Variants in DENND1A observed in about 807,000 individuals in gnomAD.
DENND1A encodes the protein DENN domain-containing protein 1A.
In DENND1A, 51 loss-of-function variants were observed where a neutral mutation model predicts 113.7. That is an observed-to-expected ratio of 0.45 (90% confidence interval 0.36 to 0.57). The LOEUF (loss-of-function observed/expected upper bound fraction) is 0.57, where lower values mean the gene tolerates loss of function less well. DENND1A is among the 20% of genes least tolerant of loss of function. The pLI is 0.00. For missense variants in DENND1A, 1,258 were observed against 1,395.9 expected (o/e 0.90, Z 1.57); for synonymous variants, 565 against 570.8 (o/e 0.99, Z 0.14).
At chr9:123,419,151 C>T (rs1472129854) in intron 19 of DENND1A, among the ~76,000 whole-genome samples, 2 of 152,210 alleles carry the variant, frequency 1.3e-5, no homozygotes, top group African/African-American at 2.4e-5. Flanking sequence ...CCACAGGGAC[C>T]AACCAGGTTC....
At chr9:123,611,577 A>G (rs2060419999) in intron 10 of DENND1A, among the ~76,000 whole-genome samples, 1 of 152,206 alleles carries the variant, frequency 6.6e-6, no homozygotes, top group South Asian at 2.1e-4. Flanking sequence ...AGCCTAACAC[A>G]TAGAAGGGAG....
intron 2 of DENND1A, among the ~76,000 whole-genome samples, chr9:123,831,478 A>G (rs1195890063): frequency 6.6e-6 from 1 of 152,210 alleles, no homozygotes; most frequent in South Asian, 2.1e-4. Context: ...ACAAAGACCA[A>G]TAATAACCAA....
intron 13 of DENND1A, among the ~76,000 whole-genome samples, chr9:123,521,602 C>T (rs767854090): frequency 4.6e-5 from 7 of 152,136 alleles, no homozygotes; most frequent in Non-Finnish European, 8.8e-5. Context: ...GCCTTCCATG[C>T]GGAAGGACAG....
intron 21 of DENND1A, among the ~76,000 whole-genome samples, chr9:123,397,257 T>C (rs1298338511): frequency 1.3e-5 from 2 of 152,152 alleles, no homozygotes; most frequent in Non-Finnish European, 2.9e-5. Context: ...TGGGTTCAAA[T>C]GATTCTCCTG....
At chr9:123,913,126 A>AC (rs552542358) in intron 1 of DENND1A, among the ~76,000 whole-genome samples, 7,220 of 150,306 alleles carry the variant, frequency 0.048, 253 homozygotes, top group Admixed American at 0.082. Flanking sequence ...AAAAAAAAAA[A>AC]AAAAAAAAAA....
chr9:123,748,800 A>C (rs2069751101), intron 5 of DENND1A, among the ~76,000 whole-genome samples: 1 of 152,202 alleles, frequency 6.6e-6, no homozygotes, highest in Non-Finnish European at 1.5e-5. Flanking sequence ...TCAATCAAAA[A>C]GCACCGAGGA....
chr9:123,795,899 T>G (rs910428230), intron 2 of DENND1A, among the ~76,000 whole-genome samples: 3 of 152,174 alleles, frequency 2.0e-5, no homozygotes, highest in Admixed American at 2.0e-4. Flanking sequence ...GCAGTAAGAA[T>G]AATCAGCGTA....
intron 3 of DENND1A, among the ~76,000 whole-genome samples, chr9:123,780,560 T>C (rs574915896): frequency 4.0e-5 from 6 of 151,804 alleles, no homozygotes; most frequent in Middle Eastern, 3.4e-3. Context: ...CAGACTTGAA[T>C]TGATCAGAGA....
At chr9:123,404,447 C>T (rs950987388) in intron 20 of DENND1A, among the ~76,000 whole-genome samples, 1 of 152,262 alleles carries the variant, frequency 6.6e-6, no homozygotes, top group African/African-American at 2.4e-5. Context: ...CTGATAAAAA[C>T]AACCGAGCCT....
chr9:123,399,290 C>CAAGT, intron 21 of DENND1A, among the ~76,000 whole-genome samples: 1 of 152,202 alleles, frequency 6.6e-6, no homozygotes, highest in East Asian at 1.9e-4. Context: ...AAACCTTGGG[C>CAAGT]AAGTTATGAA....
rs1476784839 is a variant in DENND1A, at chr9:123,382,282, G to A, written c.2363C>T (p.Ala788Val). Residue 788 changes from alanine (A) to valine (V), a missense_variant, in exon 24 of 24, where the codon GCC (alanine) becomes GTC (valine). This residue lies in a region of DENND1A where 1,159 missense variants were observed against 1,231.7 expected (regional missense o/e 0.94). Coordinates refer to ENST00000394215, the MANE Select transcript of DENND1A (RefSeq NM_001352964.2). ...PIPRPAKLQAAGAALGDVSER... is the reference protein window; with the variant it reads ...PIPRPAKLQAVGAALGDVSER... ...TGAGACGTCACCAAGTGCGGCGCCG[G>A]CAGCCTGGAGCTTGGCCGGGCGGGG... 2 of 1,610,732 alleles carry A rather than the reference G, an allele frequency of 1.2e-6. No homozygotes were observed. Among genetic ancestry groups the A allele is most frequent in the Non-Finnish European group, 1.7e-6 (2 of 1,179,580 alleles).
intron 2 of DENND1A, among the ~76,000 whole-genome samples, chr9:123,815,203 T>C (rs965599505): frequency 2.0e-5 from 3 of 152,206 alleles, no homozygotes; most frequent in South Asian, 2.1e-4. Flanking sequence ...CAAGATATAA[T>C]TTGCTCTCCT....
At chr9:123,699,181 G>C (rs1460478964) in intron 5 of DENND1A, among the ~76,000 whole-genome samples, 1 of 151,984 alleles carries the variant, frequency 6.6e-6, no homozygotes, top group Admixed American at 6.5e-5. Context: ...ATCAATAAAT[G>C]GCAGCTGCTA....
chr9:123,913,211 A>G lies in DENND1A; in HGVS notation c.17+16678T>C. On this transcript the variant is annotated intron_variant, in intron 1 of 23. Transcript: ENST00000394215. The stretch of plus-strand genomic sequence containing the variant: ...ATACAAACTACTAATCCCCTGTGAG[A>G]AAGCAGACATTTTTCAGACATGCGA... Among the ~76,000 whole-genome samples, 2 of 152,102 alleles carry G rather than the reference A, an allele frequency of 1.3e-5. 1 individual carries two copies. Among genetic ancestry groups the G allele is most frequent in the Non-Finnish European group, 2.9e-5 (2 of 68,014 alleles).
At chr9:123,544,538 G>C (rs781457546) in intron 13 of DENND1A, among the ~76,000 whole-genome samples, 2 of 152,176 alleles carry the variant, frequency 1.3e-5, no homozygotes, top group African/African-American at 2.4e-5. Context: ...TCAGAGAAAA[G>C]AGCATGGTCA....
At chr9:123,610,394 G>A (rs763422403) in intron 10 of DENND1A, among the ~76,000 whole-genome samples, 31 of 152,292 alleles carry the variant, frequency 2.0e-4, no homozygotes, top group Non-Finnish European at 3.8e-4. Flanking sequence ...GCCTAAAGAG[G>A]TTAGTTAAAT....
chr9:123,413,696 G>A (rs903313501), intron 19 of DENND1A: 2 of 985,510 alleles, frequency 2.0e-6, no homozygotes. Context: ...GGGCGTGAGG[G>A]CTGACCCATG....
At chr9:123,546,669 A>G (rs2056724308) in intron 13 of DENND1A, among the ~76,000 whole-genome samples, 1 of 152,228 alleles carries the variant, frequency 6.6e-6, no homozygotes, top group African/African-American at 2.4e-5. Flanking sequence ...TCATCCAGTC[A>G]GTCAACATTT....
intron 21 of DENND1A, among the ~76,000 whole-genome samples, chr9:123,398,673 G>A (rs1024607646): frequency 9.2e-5 from 14 of 151,952 alleles, no homozygotes; most frequent in African/African-American, 2.7e-4. Context: ...CACCGCGCCC[G>A]GCCACCATTG....
Sources: allele counts gnomAD v4.1 joint callset (sites outside exome capture counted in the v4.1 genomes callset), GRCh38; gene constraint gnomAD v4.1.1; regional missense constraint gnomAD v4.1.1; transcripts MANE v1.5; gene names NCBI Gene and HGNC (gene_info 2026-07-23, HGNC 2026-07-21).